PATJ: variants seen among roughly 807,000 people sequenced by gnomAD.
The protein encoded by PATJ is PATJ crumbs cell polarity complex component.
In PATJ, 190 loss-of-function variants were observed where a neutral mutation model predicts 224.9. That is an observed-to-expected ratio of 0.84 (90% CI 0.75 to 0.95). The LOEUF is 0.95. Ranked by LOEUF, PATJ falls within the 40% of genes least tolerant of loss-of-function variation. The probability of loss-of-function intolerance (pLI) is 0.00; values close to 1 mark genes in which losing one functional copy is unlikely to be tolerated. For missense variants in PATJ, 2,121 were observed against 2,270.3 expected (o/e 0.93, Z 1.34); for synonymous variants, 769 against 820.3 (o/e 0.94, Z 1.07).
At chr1:61,861,488 TC>T in intron 18 of PATJ, 62 bp from the exon 19 acceptor site, 1 of 663,138 alleles carries the variant, frequency 1.5e-6, no homozygotes, top group Non-Finnish European at 2.6e-6. Context: ...ATGCTCTCCC[TC>T]CCCTTGCTCC....
chr1:61,936,822 T>G (rs1359291070), intron 27 of PATJ, among the ~76,000 whole-genome samples: 1 of 152,164 alleles, frequency 6.6e-6, no homozygotes, highest in East Asian at 1.9e-4. Flanking sequence ...TCTGCCCACG[T>G]CGGCCTCCTT....
chr1:61,797,572 T>C, intron 11 of PATJ, 144 bp downstream of exon 11: 1 of 685,180 alleles, frequency 1.5e-6, no homozygotes, highest in East Asian at 2.5e-5. Flanking sequence ...TCAGCTCATT[T>C]GTTCACTGAA....
In PATJ at chr1:61,766,326, G is replaced by C; in HGVS notation, c.237G>C (p.Arg79Ser). 1 of 1,611,130 alleles carries C rather than the reference G, an allele frequency of 6.2e-7. No homozygotes were observed. The highest frequency in any genetic ancestry group is 8.5e-7 in the Non-Finnish European group (1 of 1,178,810). ...SDCSANFDFS[R>S]KGLLVFTDGS... ...GTTCAGCCAACTTTGATTTTTCTAG[G>C]AAAGGTTTGTTAGTGTTCACAGATG... Residue 79 changes from arginine to serine, a missense_variant, in exon 4 of 44, where the codon AGG (arginine) becomes AGC (serine). Transcript: ENST00000642238.
rs692302 is a variant in PATJ, at chr1:61,762,821, G to A, written c.-35-37G>A. 6.4e-4 allele frequency: 584 copies of A among 918,160 alleles called. 2 individuals are homozygous for A. The African/African-American group carries it at 8.8e-3, about 14-fold the overall frequency. 56.9% of individuals were successfully genotyped at this position (918,160 alleles called of 1,614,324 possible). ...TACAGGATTGTAGCCATATACAATT[G>A]AAATTCATCTTTTATATTGTTAAAT... On this transcript the variant is annotated intron_variant, in intron 1 of 43. Transcript: ENST00000642238.
rs141407558 is a variant in PATJ at position 62,100,990 on chromosome 1, G to A, written c.4378-7447G>A. ...TGTAGAATTTCATGAAACAAAGGAG[G>A]TAGCAGATAAAAGAAAGCATAACCC... On this transcript the variant is annotated intron_variant, in intron 33 of 43. Transcript: ENST00000642238. Among the ~76,000 whole-genome samples, 898 of 152,204 alleles carry A rather than the reference G, an allele frequency of 5.9e-3. 5 individuals are homozygous for A. Among genetic ancestry groups the A allele is most frequent in the Admixed American group, 0.011 (167 of 15,278 alleles).
chr1:62,114,314 A>G, intron 35 of PATJ, 68 bp downstream of exon 35: 1 of 1,347,654 alleles, frequency 7.4e-7, no homozygotes, highest in Non-Finnish European at 1.0e-6. Flanking sequence ...GTGAACACTG[A>G]AAGAGAAAGC....
At position 62,106,158 on chromosome 1, in the gene PATJ, G is replaced by GTGTATATATATATATATATATATA. The variant is rs1356937495; in HGVS notation, c.4378-2278_4378-2277insGTATATATATATATATATATATAT. ...TACATGTGTATATGTGTGTGTGTGTGTATATATATATATATATATATATAT... is the reference window on the plus strand; with the variant it reads ...TACATGTGTATATGTGTGTGTGTGTGTGTATATATATATATATATATATATATATATATATATATATATATATAT... On this transcript the variant is annotated intron_variant, in intron 33 of 43. Transcript: ENST00000642238. 1.9e-3 allele frequency among the ~76,000 whole-genome samples: 90 copies of GTGTATATATATATATATATATATA among 48,060 alleles called. 6 individuals are homozygous for GTGTATATATATATATATATATATA. The highest frequency in any genetic ancestry group is 3.2e-3 in the Non-Finnish European group (73 of 22,808). The allele number at this position is 48,060 out of a possible 152,430, so 31.5% of individuals were successfully genotyped here.
At chr1:62,135,149 A>T (rs1476383136) in intron 41 of PATJ, among the ~76,000 whole-genome samples, 1 of 152,140 alleles carries the variant, frequency 6.6e-6, no homozygotes, top group African/African-American at 2.4e-5. Flanking sequence ...AGATGATTTT[A>T]AAATTTCTCA....
At chr1:61,790,109 G>C (rs559751532) in intron 8 of PATJ, among the ~76,000 whole-genome samples, 5 of 106,936 alleles carry the variant, frequency 4.7e-5, no homozygotes, top group Admixed American at 1.7e-4. Flanking sequence ...GAGGCTGAAG[G>C]GGGAGGATTG....
chr1:62,038,878 A>T (rs961436999), intron 30 of PATJ: 25 of 816,954 alleles, frequency 3.1e-5, no homozygotes, highest in South Asian at 5.3e-5. Context: ...AGAAGATACA[A>T]TGAAGAATCC....
chr1:62,031,604 G>T (rs1364804982), intron 29 of PATJ, among the ~76,000 whole-genome samples: 1 of 152,148 alleles, frequency 6.6e-6, no homozygotes, highest in Admixed American at 6.5e-5. Context: ...GACTCACCTA[G>T]GGATTTTAAC....
At chr1:61,799,711 C>A (rs999204224) in intron 11 of PATJ, among the ~76,000 whole-genome samples, 1 of 152,178 alleles carries the variant, frequency 6.6e-6, no homozygotes, top group Non-Finnish European at 1.5e-5. Flanking sequence ...CCCGCTCCAC[C>A]AGCCTCCTTC....
At chr1:61,846,420 A>G (rs1661965274) in intron 17 of PATJ, among the ~76,000 whole-genome samples, 1 of 152,206 alleles carries the variant, frequency 6.6e-6, no homozygotes, top group African/African-American at 2.4e-5. Flanking sequence ...TCCCTGCATC[A>G]TAATACAGTT....
intron 26 of PATJ, among the ~76,000 whole-genome samples, chr1:61,926,725 C>T (rs1675259743): frequency 6.6e-6 from 1 of 152,094 alleles, no homozygotes; most frequent in South Asian, 2.1e-4. Flanking sequence ...TCGACATTAT[C>T]TTAAGTAAAT....
At chr1:61,786,369 T>TTTG (rs569230581) in intron 7 of PATJ, among the ~76,000 whole-genome samples, 2 of 151,808 alleles carry the variant, frequency 1.3e-5, no homozygotes, top group Admixed American at 6.6e-5. Context: ...CGCAAGGTGT[T>TTTG]TTGTTGTTGT....
At position 62,116,651 on chromosome 1, in the gene PATJ, C is replaced by T; in HGVS notation, c.4775C>T (p.Ser1592Leu). 1 of 1,612,506 alleles carries T rather than the reference C, an allele frequency of 6.2e-7. No individual in the cohort carries two copies. The highest frequency in any genetic ancestry group is 8.5e-7 in the Non-Finnish European group (1 of 1,179,394). ...SVNGEDMRNA[S>L]QETVATILKC... ...AATGGGGAGGACATGAGAAATGCCT[C>T]ACAGGAGACAGTGGCCACCATCCTC... The change falls in exon 36 of 44, where the codon TCA (serine) becomes TTA (leucine). Residue 1592 changes from serine to leucine, a missense_variant. By Grantham distance (145) the Ser-to-Leu change is moderately radical. Transcript: ENST00000642238.
At chr1:62,141,970 A>T (rs1307780914) in intron 41 of PATJ, among the ~76,000 whole-genome samples, 1 of 152,148 alleles carries the variant, frequency 6.6e-6, no homozygotes, top group Non-Finnish European at 1.5e-5. Flanking sequence ...CCTCTGTCTC[A>T]AAAATAAATA....
Position 61,904,257 on chromosome 1 carries a change from G to A in PATJ, c.3381+2798G>A, listed in dbSNP as rs147057080. ...TTGTAACTTAATTTTTTAATGTTTCGTATTATATTTTTTCTTAATGTATTC... is the reference window on the plus strand; with the variant it reads ...TTGTAACTTAATTTTTTAATGTTTCATATTATATTTTTTCTTAATGTATTC... On this transcript the variant is annotated intron_variant, in intron 24 of 43. Coordinates refer to ENST00000642238, the MANE Select transcript of PATJ (RefSeq NM_001350145.3). Among the ~76,000 whole-genome samples the A allele has an allele frequency of 8.6e-3, 1,300 of 151,862 alleles. 16 individuals are homozygous for A. Among genetic ancestry groups the A allele is most frequent in the African/African-American group, 0.028 (1,175 of 41,414 alleles).
intron 29 of PATJ, among the ~76,000 whole-genome samples, chr1:62,020,785 A>G (rs753348440): frequency 6.6e-6 from 1 of 152,154 alleles, no homozygotes; most frequent in Non-Finnish European, 1.5e-5. Flanking sequence ...TGCTATAACA[A>G]AATACCCGAG....
Sources: gnomAD v4.1 joint callset for allele counts (sites outside exome capture counted in the v4.1 genomes callset) on GRCh38, gnomAD v4.1.1 for gene constraint, MANE v1.5 for transcripts, NCBI Gene and HGNC (gene_info 2026-07-23, HGNC 2026-07-21) for gene names.